The following PACS1 variants were observed in gnomAD, a reference collection of about 807,000 sequenced individuals.
The protein encoded by PACS1 is phosphofurin acidic cluster sorting protein 1.
Under a neutral mutation model 115.0 loss-of-function variants are expected in PACS1, and 24 were observed. The observed-to-expected ratio is 0.21, with a 90% CI of 0.15 to 0.29. PACS1 has a LOEUF of 0.29. Among genes scored for constraint, PACS1 ranks in the 10% least tolerant of loss-of-function variants. The pLI, the probability that PACS1 is intolerant of heterozygous loss-of-function variation, is 1.00. For synonymous variants in PACS1, 453 were observed against 504.5 expected (o/e 0.90, Z 1.37); for missense variants, 838 against 1,251.2 (o/e 0.67, Z 4.98).
intron 1 of PACS1, among the ~76,000 whole-genome samples, chr11:66,097,598 C>T (rs1857814664): frequency 6.6e-6 from 1 of 152,184 alleles, no homozygotes; most frequent in Admixed American, 6.5e-5. Flanking sequence ...GGGCTTTTGA[C>T]CTATAGAATC....
In PACS1 at chr11:66,193,515, T is replaced by A; in HGVS notation, c.386T>A (p.Val129Asp). The A allele has an allele frequency of 6.2e-7, 1 of 1,613,800 alleles. No individual in the cohort carries two copies. The highest frequency in any genetic ancestry group is 8.5e-7 in the Non-Finnish European group (1 of 1,179,680). Reference protein sequence around the residue: ...RLFSLTLKKLVMLKEMDKDLN... With the variant: ...RLFSLTLKKLDMLKEMDKDLN... The stretch of plus-strand genomic sequence containing the variant: ...TTCAGCTTGACCCTGAAGAAACTCG[T>A]CATGCTAAAAGAAATGGACAAAGAT... Residue 129 changes from valine (V) to aspartate (D), a missense_variant, in exon 2 of 24, where the codon GTC (valine) becomes GAC (aspartate). Coordinates refer to ENST00000320580, the MANE Select transcript of PACS1 (RefSeq NM_018026.4).
chr11:66,220,344 T>C, intron 8 of PACS1: 2 of 416,604 alleles, frequency 4.8e-6, no homozygotes, highest in East Asian at 4.4e-5. Flanking sequence ...GTAAGGAGGG[T>C]AGGAAGAACC....
intron 1 of PACS1, among the ~76,000 whole-genome samples, chr11:66,137,247 T>C (rs1039397102): frequency 1.3e-5 from 2 of 151,254 alleles, no homozygotes; most frequent in Non-Finnish European, 1.5e-5. Flanking sequence ...TTTGTGTGAG[T>C]GTGTGTGTTT....
chr11:66,165,695 A>G (rs980732856), intron 1 of PACS1, among the ~76,000 whole-genome samples: 10 of 151,578 alleles, frequency 6.6e-5, no homozygotes, highest in African/African-American at 9.7e-5. Flanking sequence ...GAGTTTTTCT[A>G]TTTGCCCCAT....
chr11:66,232,264 C>A lies in PACS1; in HGVS notation c.1719C>A (p.Asp573Glu). ...PENVILVNTT[D>E]WQGQYVAELL... ...ATGTCATTCTGGTGAACACCACTGACTGGCAGGGCCAGGTAAGTGCTGAAA... is the reference window on the plus strand; with the variant it reads ...ATGTCATTCTGGTGAACACCACTGAATGGCAGGGCCAGGTAAGTGCTGAAA... Residue 573 changes from aspartate (D) to glutamate (E), a missense_variant, in exon 14 of 24, where the codon GAC becomes GAA. Coordinates refer to ENST00000320580, the MANE Select transcript of PACS1 (RefSeq NM_018026.4). 6.2e-7 allele frequency: 1 copy of A among 1,606,534 alleles called. No individual in the cohort carries two copies. Among genetic ancestry groups the A allele is most frequent in the Non-Finnish European group, 8.5e-7 (1 of 1,173,110 alleles).
intron 1 of PACS1, among the ~76,000 whole-genome samples, chr11:66,177,019 C>T (rs915801501): frequency 2.6e-5 from 4 of 152,154 alleles, no homozygotes; most frequent in African/African-American, 9.7e-5. Flanking sequence ...ATTTACTTAG[C>T]TCCATCCCTG....
intron 10 of PACS1, 72 bp downstream of exon 10, chr11:66,221,319 A>G (rs1170861637): frequency 5.5e-6 from 7 of 1,282,194 alleles, no homozygotes; most frequent in Admixed American, 5.1e-5. Context: ...GGCCCTCTGC[A>G]TCTCTGATCA....
intron 1 of PACS1, among the ~76,000 whole-genome samples, chr11:66,106,203 A>C (rs531631302): frequency 1.3e-5 from 2 of 151,902 alleles, no homozygotes; most frequent in East Asian, 3.9e-4. Flanking sequence ...GCTGAGGCGG[A>C]AGGAGCACAT....
Position 66,235,976 on chromosome 11 carries a change from G to C in PACS1, c.2250+36G>C. ...ACTCCCTCTGCTTGGCACCCCACCC[G>C]TTCTCCTGGTCTTCCTGTTCCCCCT... On this transcript the variant is annotated intron_variant, in intron 19 of 23. Transcript: ENST00000320580. The surrounding 1 kb of genome is among the most constrained non-coding windows in gnomAD (Gnocchi z 5.6). The C allele has an allele frequency of 6.3e-7, 1 of 1,579,446 alleles. No homozygotes were observed. The highest frequency in any genetic ancestry group is 8.7e-7 in the Non-Finnish European group (1 of 1,148,462).
chr11:66,170,881 G>A (rs796897504), intron 1 of PACS1, among the ~76,000 whole-genome samples: 16 of 145,242 alleles, frequency 1.1e-4, no homozygotes, highest in African/African-American at 4.3e-4. Flanking sequence ...CTGCACTCCA[G>A]CCTGGTTGAC....
In PACS1 at chr11:66,168,752, A is replaced by ATGTGTG. The variant is rs34140940; in HGVS notation, c.357-24712_357-24707dup. 6.7e-3 allele frequency among the ~76,000 whole-genome samples: 665 copies of ATGTGTG among 99,196 alleles called. 42 individuals are homozygous for ATGTGTG. The highest frequency in any genetic ancestry group is 0.018 in the African/African-American group (540 of 29,598). The allele number at this position is 99,196 out of a possible 152,430, so 65.1% of individuals were successfully genotyped here. A position where few individuals can be genotyped will look rare whatever the true frequency, so the allele number is the denominator to read the frequency against. Reference sequence around the variant, plus strand: ...TGCTTCCTAAATAGTATATATATATATGTGTGTGTGTGTGTGTGTGTGTGT... The same window carrying ATGTGTG: ...TGCTTCCTAAATAGTATATATATATATGTGTGTGTGTGTGTGTGTGTGTGTGTGTGT... On this transcript the variant is annotated intron_variant, in intron 1 of 23. Coordinates refer to ENST00000320580, the MANE Select transcript of PACS1 (RefSeq NM_018026.4).
chr11:66,192,271 A>G (rs955162636), intron 1 of PACS1, among the ~76,000 whole-genome samples: 1 of 152,228 alleles, frequency 6.6e-6, no homozygotes, highest in African/African-American at 2.4e-5. Flanking sequence ...GTGGAGAGGC[A>G]AGCCTGCTGC....
intron 4 of PACS1, 66 bp downstream of exon 4, chr11:66,211,325 C>G (rs75192352): frequency 4.5e-6 from 7 of 1,553,644 alleles, no homozygotes; most frequent in Non-Finnish European, 6.1e-6. Context: ...CACCCCAGCC[C>G]AGCCAGTTGA....
chr11:66,222,247 C>T lies in PACS1; in HGVS notation c.1293+1000C>T, dbSNP rs1396678934. ...GAGCAGGTATGGAGAGGAGGGGAGC[C>T]ACTGAGACGTGCTCAGGAGGCCCTA... On this transcript the variant is annotated intron_variant, in intron 10 of 23. Transcript: ENST00000320580. Among the ~76,000 whole-genome samples, 3 of 152,142 alleles carry T rather than the reference C, an allele frequency of 2.0e-5. No homozygotes were observed. The South Asian group carries it at 6.2e-4, about 32-fold the overall frequency.
intron 1 of PACS1, among the ~76,000 whole-genome samples, chr11:66,176,861 C>T (rs1859876740): frequency 6.6e-6 from 1 of 152,182 alleles, no homozygotes; most frequent in Non-Finnish European, 1.5e-5. Context: ...GTGAAGCCTC[C>T]TCTTACTCCC....
chr11:66,242,861 G>A (rs767098000), intron 22 of PACS1, 51 bp from the exon 23 acceptor site: 1 of 1,610,636 alleles, frequency 6.2e-7, no homozygotes, highest in Non-Finnish European at 8.5e-7. Flanking sequence ...GAGGAGAGGG[G>A]TGGCGGCTTC....
chr11:66,220,768 C>T lies in PACS1; in HGVS notation c.1176C>T (p.Leu392=). The change falls in exon 9 of 24, where the codon CTC becomes CTT. Residue 392 remains leucine (L), a synonymous_variant. Transcript: ENST00000320580. ...AGATGGAGGAGACAGAAAGCATCCT[C>T]AGCACGCCAAAGCCCAAGCTCAAGT... ...GPEMEETESI[L]STPKPKLKPF... is the part of the protein sequence containing the mutation. 6.2e-7 allele frequency: 1 copy of T among 1,614,054 alleles called. No individual in the cohort carries two copies. The highest frequency in any genetic ancestry group is 2.2e-5 in the East Asian group (1 of 44,876).
intron 1 of PACS1, among the ~76,000 whole-genome samples, chr11:66,132,618 G>C (rs1471717639): frequency 6.6e-6 from 1 of 152,104 alleles, no homozygotes; most frequent in Non-Finnish European, 1.5e-5. Flanking sequence ...AAAAAAGTCT[G>C]TACATGTTCA....
chr11:66,158,812 T>C (rs541697565), intron 1 of PACS1, among the ~76,000 whole-genome samples: 1 of 152,288 alleles, frequency 6.6e-6, no homozygotes, highest in South Asian at 2.1e-4. Context: ...GACAAGGCAT[T>C]ATTTAAAAAG....
Sources: gnomAD v4.1 joint callset for allele counts (sites outside exome capture counted in the v4.1 genomes callset) on GRCh38, gnomAD v4.1.1 for gene constraint, Gnocchi (gnomAD v3.1) non-coding constraint, MANE v1.5 for transcripts, NCBI Gene and HGNC (gene_info 2026-07-23, HGNC 2026-07-21) for gene names.